The following PTPRT variants were observed in gnomAD, a reference collection of about 807,000 sequenced individuals.
PTPRT encodes protein tyrosine phosphatase receptor type T, also known as receptor-type tyrosine-protein phosphatase T.
A neutral mutation model predicts 176.8 loss-of-function variants in PTPRT; 56 were observed. That is an observed-to-expected ratio of 0.32 (90% CI 0.26 to 0.40). PTPRT has a LOEUF of 0.40. PTPRT is among the 10% of genes least tolerant of loss of function. The pLI is 1.00. For missense variants in PTPRT, 1,540 were observed against 1,908.2 expected (o/e 0.81, Z 3.60); for synonymous variants, 783 against 739.0 (o/e 1.06, Z -0.96).
In PTPRT at chr20:42,078,011, C is replaced by A. The variant is rs1982946663; in HGVS notation, c.*2868G>T. 1 of 190,172 alleles carries A rather than the reference C, an allele frequency of 5.3e-6. No homozygotes were observed. The highest frequency in any genetic ancestry group is 2.3e-5 in the African/African-American group (1 of 42,922). 11.8% of individuals were successfully genotyped at this position (190,172 alleles called of 1,614,324 possible). ...GATGTACCAAGATCTAAGAAAATAG[C>A]ATACAGCAGGCAGATTTGCCATGCT... On this transcript the variant is annotated 3_prime_UTR_variant, in exon 31 of 31. Coordinates refer to ENST00000373187, the MANE Select transcript of PTPRT (RefSeq NM_007050.6).
chr20:42,046,310 C>A, the PTPRT span, among the ~76,000 whole-genome samples: 1 of 152,218 alleles, frequency 6.6e-6, no homozygotes, highest in South Asian at 2.1e-4. Context: ...TAAGAGGCTG[C>A]AAGTGGAGAA....
At chr20:43,136,604 T>C (rs890138815) in intron 1 of PTPRT, among the ~76,000 whole-genome samples, 6 of 152,066 alleles carry the variant, frequency 3.9e-5, no homozygotes, top group Admixed American at 3.9e-4. Flanking sequence ...TCTACCCCCA[T>C]ACTACACACA....
In PTPRT at chr20:42,684,222, G is replaced by C. The variant is rs769962907; in HGVS notation, c.860-6063C>G. On this transcript the variant is annotated intron_variant, in intron 6 of 30. Coordinates refer to ENST00000373187, the MANE Select transcript of PTPRT (RefSeq NM_007050.6). ...TAGCTGGGCACGGTGGTAAGCACTT[G>C]TAATTCCAGCTACTCGGGAGGCTGA... Among the ~76,000 whole-genome samples the C allele has an allele frequency of 2.0e-5, 3 of 152,146 alleles. No individual in the cohort carries two copies. In the East Asian group the frequency reaches 5.8e-4, roughly 29 times the overall value.
chr20:42,905,262 G>C (rs1568672804), intron 1 of PTPRT, among the ~76,000 whole-genome samples: 1 of 152,174 alleles, frequency 6.6e-6, no homozygotes, highest in Admixed American at 6.5e-5. Flanking sequence ...CAAAGGATAT[G>C]GCCAGACACT....
chr20:42,292,287 T>A (rs988135108), intron 12 of PTPRT, among the ~76,000 whole-genome samples: 3 of 152,032 alleles, frequency 2.0e-5, no homozygotes, highest in African/African-American at 4.8e-5. Flanking sequence ...GTTTGTTACC[T>A]GAAAGAAGCA....
intron 1 of PTPRT, among the ~76,000 whole-genome samples, chr20:43,084,916 C>T (rs534634360): frequency 6.6e-6 from 1 of 152,082 alleles, no homozygotes; most frequent in Non-Finnish European, 1.5e-5. Context: ...CAGGTATTTG[C>T]TTTTATAAAC....
intron 1 of PTPRT, among the ~76,000 whole-genome samples, chr20:42,902,760 G>A (rs188892404): frequency 9.2e-5 from 14 of 152,270 alleles, no homozygotes; most frequent in Non-Finnish European, 1.9e-4. Context: ...GGACAGAGTC[G>A]GGATTAGAAT....
At chr20:42,720,320 T>C (rs1212631181) in intron 6 of PTPRT, among the ~76,000 whole-genome samples, 1 of 152,180 alleles carries the variant, frequency 6.6e-6, no homozygotes, top group East Asian at 1.9e-4. Context: ...ATGTGAATAC[T>C]GAGGCATGAA....
chr20:42,108,649 A>T (rs1172586896), intron 23 of PTPRT, among the ~76,000 whole-genome samples: 1 of 82,806 alleles, frequency 1.2e-5, no homozygotes, highest in Non-Finnish European at 2.3e-5. Context: ...GAGTGGGAAT[A>T]TGAAAACAAA....
chr20:42,730,361 T>C (rs996449730), intron 6 of PTPRT, among the ~76,000 whole-genome samples: 8 of 152,094 alleles, frequency 5.3e-5, no homozygotes, highest in Non-Finnish European at 7.3e-5. Context: ...TGATCAGCCA[T>C]GGGACACAAA....
chr20:42,558,848 T>C (rs1315414587), intron 7 of PTPRT, among the ~76,000 whole-genome samples: 1 of 151,898 alleles, frequency 6.6e-6, no homozygotes, highest in Non-Finnish European at 1.5e-5. Flanking sequence ...TGGCCAGAAA[T>C]AGGATCCTTG....
chr20:42,718,747 G>A (rs1328905179), intron 6 of PTPRT, among the ~76,000 whole-genome samples: 1 of 152,138 alleles, frequency 6.6e-6, no homozygotes, highest in Non-Finnish European at 1.5e-5. Flanking sequence ...GGCTTCTGAG[G>A]TGCTGGTTAT....
At chr20:42,383,483 A>G (rs912735173) in intron 9 of PTPRT, among the ~76,000 whole-genome samples, 3 of 152,182 alleles carry the variant, frequency 2.0e-5, no homozygotes, top group Non-Finnish European at 4.4e-5. Flanking sequence ...AGTCTCACCA[A>G]GAGGGCTTCT....
At chr20:42,252,486 C>G (rs1246486406) in intron 13 of PTPRT, among the ~76,000 whole-genome samples, 1 of 152,058 alleles carries the variant, frequency 6.6e-6, no homozygotes, top group Non-Finnish European at 1.5e-5. Context: ...GGGAGATAAG[C>G]CTGAATGGGG....
chr20:42,493,119 G>C (rs1309934920), intron 7 of PTPRT, among the ~76,000 whole-genome samples: 2 of 152,112 alleles, frequency 1.3e-5, no homozygotes, highest in Non-Finnish European at 2.9e-5. Flanking sequence ...CTATGTGCCA[G>C]GGACTTGGCT....
intron 5 of PTPRT, among the ~76,000 whole-genome samples, chr20:42,758,456 C>A (rs941634705): frequency 6.6e-6 from 1 of 152,052 alleles, no homozygotes; most frequent in East Asian, 1.9e-4. Context: ...TATCCCAGGC[C>A]CCCATCAAAG....
chr20:42,947,214 G>A (rs1980938232), intron 1 of PTPRT, among the ~76,000 whole-genome samples: 1 of 152,180 alleles, frequency 6.6e-6, no homozygotes, highest in African/African-American at 2.4e-5. Flanking sequence ...GGCATGATGG[G>A]AGAGATAAAG....
At chr20:42,461,643 G>C (rs2071021938) in intron 8 of PTPRT, among the ~76,000 whole-genome samples, 1 of 152,220 alleles carries the variant, frequency 6.6e-6, no homozygotes, top group Non-Finnish European at 1.5e-5. Context: ...TTAACAACCA[G>C]CTGTGTCAGA....
At chr20:42,448,937 C>T (rs1425735779) in intron 8 of PTPRT, among the ~76,000 whole-genome samples, 1 of 152,008 alleles carries the variant, frequency 6.6e-6, no homozygotes, top group Admixed American at 6.6e-5. Context: ...ACATTCAAAG[C>T]CATCCTGGGC....
Sources: gnomAD v4.1 joint callset for allele counts (sites outside exome capture counted in the v4.1 genomes callset) on GRCh38, gnomAD v4.1.1 for gene constraint, MANE v1.5 for transcripts, NCBI Gene and HGNC (gene_info 2026-07-23, HGNC 2026-07-21) for gene names.